Variants in KCNIP4 observed in about 807,000 individuals in gnomAD.
KCNIP4 encodes the protein potassium voltage-gated channel interacting protein 4.
Under a neutral mutation model 34.0 loss-of-function variants are expected in KCNIP4, and 12 were observed. The observed-to-expected ratio is 0.35, with a 90% CI of 0.23 to 0.57. KCNIP4 has a LOEUF of 0.57. KCNIP4 is among the 20% of genes least tolerant of loss of function. KCNIP4 has a pLI of 0.83. For synonymous variants in KCNIP4, 124 were observed against 102.2 expected (o/e 1.21, Z -1.29); for missense variants, 238 against 311.7 (o/e 0.76, Z 1.78).
intron 1 of KCNIP4, among the ~76,000 whole-genome samples, chr4:21,528,486 G>T (rs1736169576): frequency 6.6e-6 from 1 of 151,592 alleles, no homozygotes; most frequent in Non-Finnish European, 1.5e-5. Flanking sequence ...GGCCAATGTG[G>T]TGAAACCCTG....
At chr4:21,306,968 A>T (rs928946910) in intron 1 of KCNIP4, among the ~76,000 whole-genome samples, 7 of 152,154 alleles carry the variant, frequency 4.6e-5, no homozygotes, top group Admixed American at 3.3e-4. Context: ...GATTACAGGC[A>T]TGCACCACCA....
intron 1 of KCNIP4, among the ~76,000 whole-genome samples, chr4:21,482,124 G>C (rs958959334): frequency 1.8e-5 from 2 of 112,576 alleles, no homozygotes; most frequent in Admixed American, 1.7e-4. Flanking sequence ...CAGAGACTAG[G>C]ATTGCAACCC....
intron 1 of KCNIP4, among the ~76,000 whole-genome samples, chr4:21,798,562 AAAAGAAAGAAAGAAAGAAAGAAAG>A (rs71193411): frequency 1.7e-5 from 2 of 116,896 alleles, no homozygotes; most frequent in Non-Finnish European, 4.0e-5. Flanking sequence ...GAGAGAAAGA[AAAAGAAAGAAAGAAAGAAAGAAAG>A]AGAAAAAATG....
At chr4:21,422,534 G>T (rs1333782704) in intron 1 of KCNIP4, among the ~76,000 whole-genome samples, 1 of 151,964 alleles carries the variant, frequency 6.6e-6, no homozygotes, top group Non-Finnish European at 1.5e-5. Flanking sequence ...GGATAGAGAT[G>T]ATTGGCAAGA....
intron 1 of KCNIP4, among the ~76,000 whole-genome samples, chr4:21,310,446 T>C (rs1713026954): frequency 6.6e-6 from 1 of 152,076 alleles, no homozygotes; most frequent in Non-Finnish European, 1.5e-5. Context: ...CCATCTCCTA[T>C]TCTGGTGCGC....
intron 1 of KCNIP4, among the ~76,000 whole-genome samples, chr4:21,387,500 A>G (rs7654061): frequency 0.022 from 3,423 of 152,308 alleles, 71 homozygotes; most frequent in Middle Eastern, 0.051. Flanking sequence ...ACAACAAACA[A>G]ATGATATGTC....
intron 1 of KCNIP4, among the ~76,000 whole-genome samples, chr4:21,496,200 T>C (rs760496181): frequency 6.6e-6 from 1 of 152,142 alleles, no homozygotes; most frequent in African/African-American, 2.4e-5. Flanking sequence ...GCTAAGGTGA[T>C]TGAGAGTGAG....
At chr4:21,072,517 T>C (rs1186470239) in intron 1 of KCNIP4, among the ~76,000 whole-genome samples, 2 of 152,154 alleles carry the variant, frequency 1.3e-5, no homozygotes, top group Non-Finnish European at 2.9e-5. Context: ...AAAATTTTGT[T>C]TAAGTTCTTT....
intron 1 of KCNIP4, among the ~76,000 whole-genome samples, chr4:21,114,222 G>A (rs1423272132): frequency 6.6e-6 from 1 of 152,066 alleles, no homozygotes; most frequent in Non-Finnish European, 1.5e-5. Context: ...TTTGAGCCAA[G>A]GAGATTATCA....
Position 21,489,387 on chromosome 4 carries a change from G to A in KCNIP4, c.61+459184C>T, listed in dbSNP as rs574278424. ...CCCTTCCAATTGAATAGGAAGTAGG[G>A]CCTTGCCATGTTGAGTTCTCCAATG... On this transcript the variant is annotated intron_variant, in intron 1 of 8. Transcript: ENST00000382152. 3.3e-5 allele frequency among the ~76,000 whole-genome samples: 5 copies of A among 151,274 alleles called. No individual in the cohort carries two copies. In the East Asian group the frequency reaches 9.7e-4, roughly 29 times the overall value.
At chr4:21,434,027 T>TTAC (rs1289280833) in intron 1 of KCNIP4, among the ~76,000 whole-genome samples, 3 of 152,192 alleles carry the variant, frequency 2.0e-5, no homozygotes, top group Non-Finnish European at 4.4e-5. Flanking sequence ...TCTTTATTCT[T>TTAC]TACTACTATT....
chr4:21,458,552 G>C (rs1729164873), intron 1 of KCNIP4, among the ~76,000 whole-genome samples: 1 of 152,008 alleles, frequency 6.6e-6, no homozygotes, highest in Admixed American at 6.6e-5. Flanking sequence ...TTCACAAAGA[G>C]TTTTGGATGG....
intron 1 of KCNIP4, among the ~76,000 whole-genome samples, chr4:21,228,340 C>T (rs927869699): frequency 7.2e-5 from 11 of 152,134 alleles, no homozygotes; most frequent in Non-Finnish European, 1.2e-4. Flanking sequence ...ATGATTGCTT[C>T]CCCTTCACCT....
intron 1 of KCNIP4, among the ~76,000 whole-genome samples, chr4:21,001,615 T>A (rs926859526): frequency 6.6e-6 from 1 of 152,162 alleles, no homozygotes; most frequent in Admixed American, 6.5e-5. Flanking sequence ...GAGAATGCAC[T>A]CTCCTTAAGC....
intron 1 of KCNIP4, among the ~76,000 whole-genome samples, chr4:21,387,837 T>C (rs1269945977): frequency 2.6e-5 from 4 of 152,190 alleles, no homozygotes; most frequent in African/African-American, 7.2e-5. Context: ...CTCACAAGCA[T>C]TGCGAAATGT....
intron 1 of KCNIP4, among the ~76,000 whole-genome samples, chr4:21,394,737 C>T (rs9996303): frequency 0.07 from 10,584 of 152,138 alleles, 1,064 homozygotes; most frequent in African/African-American, 0.22. Context: ...TATAGATCAT[C>T]CTTTGACTTG....
chr4:20,984,147 G>A lies in KCNIP4; in HGVS notation c.62-101438C>T, dbSNP rs1035606244. The A allele has an allele frequency of 2.6e-5, 16 of 616,788 alleles. No individual in the cohort carries two copies. In the East Asian group the frequency reaches 3.4e-4, roughly 13 times the overall value. The allele number at this position is 616,788 out of a possible 1,614,324, so 38.2% of individuals were successfully genotyped here. A position where few individuals can be genotyped will look rare whatever the true frequency, so the allele number is the denominator to read the frequency against. ...CTGATCCTGGCATTTGGCTGGCGGG[G>A]CTTCCCCCCTGCTACCACAGCGCAC... On this transcript the variant is annotated intron_variant, in intron 1 of 8. Coordinates refer to ENST00000382152, the MANE Select transcript of KCNIP4 (RefSeq NM_025221.6).
At chr4:20,973,257 T>C (rs1735151598) in intron 1 of KCNIP4, among the ~76,000 whole-genome samples, 1 of 152,240 alleles carries the variant, frequency 6.6e-6, no homozygotes, top group Non-Finnish European at 1.5e-5. Context: ...GCTACTCCAA[T>C]AGCACTTGCT....
intron 1 of KCNIP4, among the ~76,000 whole-genome samples, chr4:21,934,689 C>T (rs1729751107): frequency 6.6e-6 from 1 of 151,964 alleles, no homozygotes; most frequent in African/African-American, 2.4e-5. Context: ...GTGCCACCCT[C>T]CACTCTTCCC....
Sources: allele counts gnomAD v4.1 joint callset (sites outside exome capture counted in the v4.1 genomes callset), GRCh38; gene constraint gnomAD v4.1.1; transcripts MANE v1.5; gene names NCBI Gene and HGNC (gene_info 2026-07-23, HGNC 2026-07-21).